Variants in ZBTB7C observed in about 807,000 individuals in gnomAD.
ZBTB7C encodes the protein zinc finger and BTB domain-containing protein 7C.
In ZBTB7C, 8 loss-of-function variants were observed where a neutral mutation model predicts 25.7. The observed-to-expected ratio is 0.31, with a 90% CI of 0.18 to 0.56. ZBTB7C has a LOEUF of 0.56. Ranked by LOEUF, ZBTB7C falls within the 20% of genes least tolerant of loss-of-function variation. The probability of loss-of-function intolerance (pLI) is 0.91; values close to 1 mark genes in which losing one functional copy is unlikely to be tolerated. For synonymous variants in ZBTB7C, 394 were observed against 369.0 expected, an observed-to-expected ratio of 1.07 and a Z score of -0.78; for missense variants, 824 against 855.2, an observed-to-expected ratio of 0.96 and a Z score of 0.46.
chr18:48,246,370 C>T (rs1165849500), intron 2 of ZBTB7C, among the ~76,000 whole-genome samples: 2 of 151,656 alleles, frequency 1.3e-5, no homozygotes, highest in African/African-American at 2.4e-5. Flanking sequence ...GCGGAGCTTG[C>T]AGTGAGCTGA....
chr18:48,372,787 G>T (rs2047417942), intron 1 of ZBTB7C, among the ~76,000 whole-genome samples: 1 of 152,126 alleles, frequency 6.6e-6, no homozygotes, highest in East Asian at 1.9e-4. Flanking sequence ...CCTATATGCA[G>T]GTCCTGGAGG....
At chr18:48,270,418 G>T (rs2044446103) in intron 2 of ZBTB7C, among the ~76,000 whole-genome samples, 1 of 151,140 alleles carries the variant, frequency 6.6e-6, no homozygotes, top group South Asian at 2.1e-4. Context: ...TTTTATGGCT[G>T]GACGCAGTGG....
intron 1 of ZBTB7C, among the ~76,000 whole-genome samples, chr18:48,369,294 A>C (rs937470389): frequency 9.2e-5 from 14 of 152,148 alleles, no homozygotes; most frequent in African/African-American, 2.9e-4. Flanking sequence ...ATACAAAAAT[A>C]AACTAAAAAA....
intron 3 of ZBTB7C, among the ~76,000 whole-genome samples, chr18:48,128,013 T>A (rs2039862287): frequency 6.6e-6 from 1 of 152,182 alleles, no homozygotes; most frequent in Non-Finnish European, 1.5e-5. Flanking sequence ...GTAAGCTCCA[T>A]CTTTATGTTC....
chr18:48,149,479 C>T (rs2040604835), intron 3 of ZBTB7C: 4 of 152,242 alleles, frequency 2.6e-5, no homozygotes, highest in Admixed American at 2.6e-4. Flanking sequence ...TGAGCCAACC[C>T]ACAGCCCTTC....
intron 3 of ZBTB7C, among the ~76,000 whole-genome samples, chr18:48,096,412 G>T (rs1398030849): frequency 6.6e-6 from 1 of 152,146 alleles, no homozygotes; most frequent in African/African-American, 2.4e-5. Context: ...AAGGAAATGG[G>T]CATCCTGATG....
chr18:48,118,896 C>A (rs2039533975), intron 3 of ZBTB7C, among the ~76,000 whole-genome samples: 2 of 152,048 alleles, frequency 1.3e-5, no homozygotes, highest in South Asian at 4.1e-4. Flanking sequence ...TGTCTTTCTG[C>A]CTGATGTGGA....
At chr18:48,073,937 T>C (rs1157089282) in intron 3 of ZBTB7C, among the ~76,000 whole-genome samples, 2 of 152,024 alleles carry the variant, frequency 1.3e-5, no homozygotes, top group African/African-American at 4.8e-5. Context: ...AAAGGCCCTG[T>C]CCCTGCCCCT....
At chr18:48,125,839 C>T (rs1468905540) in intron 3 of ZBTB7C, among the ~76,000 whole-genome samples, 2 of 152,202 alleles carry the variant, frequency 1.3e-5, no homozygotes, top group African/African-American at 4.8e-5. Flanking sequence ...TGTGGTGTGG[C>T]TGCACTGAGG....
At chr18:48,328,537 C>G (rs1189015044) in intron 2 of ZBTB7C, among the ~76,000 whole-genome samples, 1 of 152,164 alleles carries the variant, frequency 6.6e-6, no homozygotes, top group African/African-American at 2.4e-5. Context: ...TGGGCTGGCC[C>G]AAATGATGTC....
chr18:48,049,149 C>G (rs2036586767), intron 3 of ZBTB7C, among the ~76,000 whole-genome samples: 1 of 152,206 alleles, frequency 6.6e-6, no homozygotes, highest in Non-Finnish European at 1.5e-5. Context: ...AATGCCCAAG[C>G]CTGTGTCCCC....
At chr18:48,307,676 C>T (rs558596589) in intron 2 of ZBTB7C, among the ~76,000 whole-genome samples, 1 of 152,208 alleles carries the variant, frequency 6.6e-6, no homozygotes, top group East Asian at 1.9e-4. Context: ...GGTGAAACCC[C>T]GTCTCTAATA....
chr18:48,155,559 T>A (rs2040817570), intron 3 of ZBTB7C, among the ~76,000 whole-genome samples: 1 of 151,582 alleles, frequency 6.6e-6, no homozygotes, highest in Non-Finnish European at 1.5e-5. Context: ...ATGGTCGCAA[T>A]CTCCTGACCT....
At chr18:48,299,133 G>A (rs1348461400) in intron 2 of ZBTB7C, among the ~76,000 whole-genome samples, 1 of 152,188 alleles carries the variant, frequency 6.6e-6, no homozygotes, top group East Asian at 1.9e-4. Context: ...TGAAATGGGA[G>A]GGCATCACTT....
chr18:48,232,390 GC>G (rs1387063349), intron 2 of ZBTB7C, among the ~76,000 whole-genome samples: 1 of 152,066 alleles, frequency 6.6e-6, no homozygotes, highest in African/African-American at 2.4e-5. Context: ...GTTGTTTTAA[GC>G]CACCTACTTT....
intron 3 of ZBTB7C, among the ~76,000 whole-genome samples, chr18:48,154,797 G>T (rs2040785482): frequency 6.6e-6 from 1 of 152,204 alleles, no homozygotes; most frequent in Non-Finnish European, 1.5e-5. Context: ...ACCTGCAAGT[G>T]CCCCTGGCTG....
At chr18:48,251,494 GC>G in intron 2 of ZBTB7C, among the ~76,000 whole-genome samples, 1 of 152,238 alleles carries the variant, frequency 6.6e-6, no homozygotes, top group East Asian at 1.9e-4. Context: ...ACAAAAAGCA[GC>G]CCAGAAAATC....
chr18:48,027,879 T>C lies in ZBTB7C; in HGVS notation c.*1381A>G, dbSNP rs1327267610. ...CACGGGGCCAGCAGAGCCTTCCTTT[T>C]CAGGACCTGCTGCAAATTCAAGAAC... On this transcript the variant is annotated 3_prime_UTR_variant, in exon 5 of 5. Coordinates refer to ENST00000590800, the MANE Select transcript of ZBTB7C (RefSeq NM_001318841.2). 4 of 152,242 alleles carry C rather than the reference T, an allele frequency of 2.6e-5. No homozygotes were observed. Among genetic ancestry groups the C allele is most frequent in the Non-Finnish European group, 5.9e-5 (4 of 68,106 alleles). The allele number at this position is 152,242 out of a possible 1,614,324, so 9.4% of individuals were successfully genotyped here.
At chr18:48,293,873 C>T (rs1182090298) in intron 2 of ZBTB7C, among the ~76,000 whole-genome samples, 1 of 152,118 alleles carries the variant, frequency 6.6e-6, no homozygotes, top group African/African-American at 2.4e-5. Context: ...CAGCCTAAGC[C>T]TCTCAAAGTG....
Sources: gnomAD v4.1 joint callset for allele counts (sites outside exome capture counted in the v4.1 genomes callset) on GRCh38, gnomAD v4.1.1 for gene constraint, MANE v1.5 for transcripts, NCBI Gene and HGNC (gene_info 2026-07-23, HGNC 2026-07-21) for gene names.